Variants in POU6F2 observed in about 807,000 individuals in gnomAD.
POU6F2 encodes POU class 6 homeobox 2.
In POU6F2, 31 loss-of-function variants were observed where a neutral mutation model predicts 71.3. The observed-to-expected ratio is 0.43, with a 90% CI of 0.33 to 0.59. The LOEUF (loss-of-function observed/expected upper bound fraction) is 0.59, where lower values mean the gene tolerates loss of function less well. Among genes scored for constraint, POU6F2 ranks in the 20% least tolerant of loss-of-function variants. The pLI is 0.04. For missense variants in POU6F2, 783 were observed against 856.8 expected (o/e 0.91, Z 1.07); for synonymous variants, 347 against 355.7 (o/e 0.98, Z 0.27).
chr7:39,426,571 C>T (rs1388286991), intron 6 of POU6F2, among the ~76,000 whole-genome samples: 1 of 152,108 alleles, frequency 6.6e-6, no homozygotes, highest in Non-Finnish European at 1.5e-5. Context: ...CTCCCTCCCT[C>T]CTCTTCCTCC....
intron 4 of POU6F2, among the ~76,000 whole-genome samples, chr7:39,309,243 C>T (rs1170336894): frequency 3.9e-5 from 6 of 152,224 alleles, no homozygotes; most frequent in Non-Finnish European, 5.9e-5. Flanking sequence ...TAAGAAGCAA[C>T]GCCGGAGCCT....
intron 8 of POU6F2, among the ~76,000 whole-genome samples, chr7:39,452,353 A>G (rs1366777285): frequency 6.6e-6 from 1 of 152,232 alleles, no homozygotes; most frequent in Non-Finnish European, 1.5e-5. Context: ...TAGATAGTAT[A>G]TTTATCACAT....
intron 4 of POU6F2, among the ~76,000 whole-genome samples, chr7:39,228,260 C>T (rs1584613185): frequency 6.6e-6 from 1 of 152,036 alleles, no homozygotes; most frequent in African/African-American, 2.4e-5. Flanking sequence ...GATTTCTATC[C>T]CAATTTAATA....
At chr7:39,056,403 A>G (rs567501756) in intron 1 of POU6F2, among the ~76,000 whole-genome samples, 1 of 152,186 alleles carries the variant, frequency 6.6e-6, no homozygotes, top group Non-Finnish European at 1.5e-5. Context: ...ATTAAGTTTA[A>G]AAATGTATAA....
rs544541141 is a variant in POU6F2, at chr7:39,270,615, A to G, written c.598+62995A>G. 1.6e-4 allele frequency among the ~76,000 whole-genome samples: 25 copies of G among 152,290 alleles called. No individual in the cohort carries two copies. In the South Asian group the frequency reaches 4.8e-3, roughly 29 times the overall value. ...GTAATGAAGTGTATGTGGGGCTTTT[A>G]TCACCTCCACAGCCTAAACCTGGAT... On this transcript the variant is annotated intron_variant, in intron 4 of 9. Coordinates refer to ENST00000518318, the MANE Select transcript of POU6F2 (RefSeq NM_001370959.1).
At chr7:39,101,649 T>C (rs2128723763) in intron 2 of POU6F2, among the ~76,000 whole-genome samples, 3 of 152,246 alleles carry the variant, frequency 2.0e-5, no homozygotes, top group African/African-American at 7.2e-5. Context: ...GGGACTATAG[T>C]TAATAATAGC....
intron 5 of POU6F2, among the ~76,000 whole-genome samples, chr7:39,349,400 G>T (rs1786096131): frequency 6.6e-6 from 1 of 152,182 alleles, no homozygotes; most frequent in Non-Finnish European, 1.5e-5. Flanking sequence ...GAGAATCACG[G>T]CCAGGGTGCC....
intron 2 of POU6F2, among the ~76,000 whole-genome samples, chr7:39,087,939 C>T (rs933817115): frequency 2.0e-5 from 3 of 151,954 alleles, no homozygotes; most frequent in African/African-American, 4.8e-5. Context: ...CCAAGAGGGT[C>T]AAAGAGATTT....
intron 5 of POU6F2, among the ~76,000 whole-genome samples, chr7:39,396,867 G>A (rs187070460): frequency 1.2e-3 from 183 of 151,082 alleles, no homozygotes; most frequent in African/African-American, 4.0e-3. Flanking sequence ...CTCCATAGCC[G>A]GACTCTGTCT....
Position 39,155,912 on chromosome 7 carries a change from G to C in POU6F2, c.278-48323G>C, listed in dbSNP as rs149906291. Reference sequence around the variant, plus strand: ...GCCACCCATATTAAACAATGTAATAGTACCTATTGTTGAAGCCCCTGAGGA... The same window carrying C: ...GCCACCCATATTAAACAATGTAATACTACCTATTGTTGAAGCCCCTGAGGA... On this transcript the variant is annotated intron_variant, in intron 2 of 9. Coordinates refer to ENST00000518318, the MANE Select transcript of POU6F2 (RefSeq NM_001370959.1). Among the ~76,000 whole-genome samples, 320 of 152,238 alleles carry C rather than the reference G, an allele frequency of 2.1e-3. 1 individual carries two copies. The highest frequency in any genetic ancestry group is 7.2e-3 in the African/African-American group (300 of 41,538).
In POU6F2 at chr7:39,010,989, A is replaced by G. The variant is rs1462909335; in HGVS notation, c.105+32931A>G. 8.2e-5 allele frequency among the ~76,000 whole-genome samples: 12 copies of G among 145,718 alleles called. No individual in the cohort carries two copies. The East Asian group carries it at 2.0e-3, about 25-fold the overall frequency. On this transcript the variant is annotated intron_variant, in intron 1 of 9. Coordinates refer to ENST00000518318, the MANE Select transcript of POU6F2 (RefSeq NM_001370959.1). ...TAGGTGTGGTGTGGTGCTGAAAAAAATGTATATTCTGTTGATTTGGGGTGG... is the reference window on the plus strand; with the variant it reads ...TAGGTGTGGTGTGGTGCTGAAAAAAGTGTATATTCTGTTGATTTGGGGTGG...
At chr7:39,158,185 T>TA (rs1386054757) in intron 2 of POU6F2, among the ~76,000 whole-genome samples, 1 of 152,220 alleles carries the variant, frequency 6.6e-6, no homozygotes, top group Non-Finnish European at 1.5e-5. Flanking sequence ...CAAAACATAG[T>TA]ATGTTGCTCA....
chr7:39,305,386 A>G (rs1562783729), intron 4 of POU6F2, among the ~76,000 whole-genome samples: 1 of 152,268 alleles, frequency 6.6e-6, no homozygotes, highest in African/African-American at 2.4e-5. Flanking sequence ...ATCAAAATGT[A>G]TGTAACTCAA....
chr7:39,044,627 G>C (rs1790253353), intron 1 of POU6F2, among the ~76,000 whole-genome samples: 1 of 151,964 alleles, frequency 6.6e-6, no homozygotes, highest in Admixed American at 6.6e-5. Flanking sequence ...CCAATACTGT[G>C]ATGGGATTAA....
intron 4 of POU6F2, among the ~76,000 whole-genome samples, chr7:39,258,775 G>T (rs1381328821): frequency 6.6e-6 from 1 of 152,008 alleles, no homozygotes; most frequent in African/African-American, 2.4e-5. Flanking sequence ...AAGTGGTCCA[G>T]GTGGGCAGAA....
At chr7:39,105,551 C>T (rs983367221) in intron 2 of POU6F2, among the ~76,000 whole-genome samples, 4 of 151,860 alleles carry the variant, frequency 2.6e-5, no homozygotes, top group Non-Finnish European at 4.4e-5. Context: ...AGTCTCAGCA[C>T]AGGCAAGAAT....
chr7:39,358,821 C>T (rs571004796), intron 5 of POU6F2, among the ~76,000 whole-genome samples: 1 of 148,488 alleles, frequency 6.7e-6, no homozygotes, highest in South Asian at 2.1e-4. Context: ...CTGAGATCCT[C>T]TGGCTAACCC....
chr7:39,087,170 T>A (rs1377730036), intron 2 of POU6F2, among the ~76,000 whole-genome samples: 1 of 117,156 alleles, frequency 8.5e-6, no homozygotes, highest in Non-Finnish European at 1.8e-5. Flanking sequence ...ATTTATTTAT[T>A]TATTTATTTA....
At chr7:39,237,056 T>C (rs1183801070) in intron 4 of POU6F2, among the ~76,000 whole-genome samples, 1 of 152,156 alleles carries the variant, frequency 6.6e-6, no homozygotes, top group East Asian at 1.9e-4. Flanking sequence ...CGTCTGGTGC[T>C]ACACTCCTCA....
Sources: allele counts gnomAD v4.1 joint callset (sites outside exome capture counted in the v4.1 genomes callset), GRCh38; gene constraint gnomAD v4.1.1; transcripts MANE v1.5; gene names NCBI Gene and HGNC (gene_info 2026-07-23, HGNC 2026-07-21).